ATXN7L1: variants seen among roughly 807,000 people sequenced by gnomAD.
The protein encoded by ATXN7L1 is ataxin-7-like protein 1.
ATXN7L1 carries 15 observed loss-of-function variants against 70.8 expected under a neutral mutation model. That is an observed-to-expected ratio of 0.21 (90% CI 0.14 to 0.33). The LOEUF (loss-of-function observed/expected upper bound fraction) is 0.33, where lower values mean the gene tolerates loss of function less well. Ranked by LOEUF, ATXN7L1 falls within the 10% of genes least tolerant of loss-of-function variation. ATXN7L1 has a pLI of 1.00. For missense variants in ATXN7L1, 975 were observed against 1,097.1 expected, an observed-to-expected ratio of 0.89 and a Z score of 1.57; for synonymous variants, 440 against 445.1, an observed-to-expected ratio of 0.99 and a Z score of 0.14.
intron 2 of ATXN7L1, among the ~76,000 whole-genome samples, chr7:105,798,905 C>T (rs1203288221): frequency 6.6e-6 from 1 of 152,208 alleles, no homozygotes; most frequent in Non-Finnish European, 1.5e-5. Flanking sequence ...AGCTAAAACG[C>T]TGTATTAAGG....
intron 2 of ATXN7L1, among the ~76,000 whole-genome samples, chr7:105,853,233 A>G (rs1815152804): frequency 6.6e-6 from 1 of 152,242 alleles, no homozygotes; most frequent in Non-Finnish European, 1.5e-5. Context: ...ATTTTAAGTT[A>G]CATATATTTT....
intron 2 of ATXN7L1, among the ~76,000 whole-genome samples, chr7:105,847,714 C>T (rs1378373926): frequency 2.6e-5 from 4 of 152,168 alleles, no homozygotes; most frequent in African/African-American, 2.4e-5. Context: ...TTTTTCTCTG[C>T]CCCAGTTTAC....
At chr7:105,627,841 G>GTT (rs36028028) in intron 7 of ATXN7L1, among the ~76,000 whole-genome samples, 1,368 of 86,390 alleles carry the variant, frequency 0.016, 101 homozygotes, top group Admixed American at 0.03. Flanking sequence ...CCTGTCTTTA[G>GTT]TTTTTTTTTT....
intron 11 of ATXN7L1, among the ~76,000 whole-genome samples, chr7:105,609,156 G>T (rs1427678830): frequency 2.0e-5 from 3 of 152,080 alleles, no homozygotes. Context: ...CAGACACCAT[G>T]GGCAAGGCCT....
intron 2 of ATXN7L1, among the ~76,000 whole-genome samples, chr7:105,825,341 T>C (rs1810716396): frequency 6.6e-6 from 1 of 152,122 alleles, no homozygotes; most frequent in African/African-American, 2.4e-5. Flanking sequence ...AGGGAAGCTG[T>C]TGTCACAGAC....
intron 4 of ATXN7L1, among the ~76,000 whole-genome samples, chr7:105,660,784 T>G (rs754751157): frequency 1.2e-4 from 19 of 152,084 alleles, no homozygotes; most frequent in Non-Finnish European, 2.6e-4. Context: ...GGTTTCACCA[T>G]GTTGGTCAGG....
At chr7:105,674,472 T>C (rs1804305830) in intron 3 of ATXN7L1, among the ~76,000 whole-genome samples, 4 of 152,150 alleles carry the variant, frequency 2.6e-5, no homozygotes, top group Admixed American at 2.6e-4. Flanking sequence ...TTACTATTAT[T>C]TTTTTTTCTT....
At chr7:105,780,139 C>G (rs1054093961) in intron 3 of ATXN7L1, among the ~76,000 whole-genome samples, 1 of 152,190 alleles carries the variant, frequency 6.6e-6, no homozygotes, top group African/African-American at 2.4e-5. Flanking sequence ...TTGTCTCTTC[C>G]TCAACCAGAG....
intron 2 of ATXN7L1, among the ~76,000 whole-genome samples, chr7:105,812,429 TCTAA>T (rs1212727437): frequency 6.6e-6 from 1 of 152,242 alleles, no homozygotes; most frequent in East Asian, 1.9e-4. Context: ...TCTTGAGAGA[TCTAA>T]CTCAGACTAG....
chr7:105,673,864 G>A (rs1396708168), intron 3 of ATXN7L1, among the ~76,000 whole-genome samples: 4 of 152,236 alleles, frequency 2.6e-5, no homozygotes, highest in Admixed American at 1.3e-4. Flanking sequence ...TGTCACCATC[G>A]TAGTTAGATA....
At chr7:105,819,395 A>C in intron 2 of ATXN7L1, 1 of 515,086 alleles carries the variant, frequency 1.9e-6, no homozygotes, top group South Asian at 2.0e-5. Context: ...TTAACAATAA[A>C]AAATTTAAAA....
chr7:105,773,554 G>A (rs117449419), intron 3 of ATXN7L1, among the ~76,000 whole-genome samples: 227 of 152,280 alleles, frequency 1.5e-3, no homozygotes, highest in Non-Finnish European at 2.8e-3. Flanking sequence ...CCTTCTGTCT[G>A]CTCTTTCACT....
rs948187534 is a variant in ATXN7L1, at chr7:105,873,059, C to T, written c.250+2753G>A. ...ATCCCAGCTACTTGGGAGGTTGAGG[C>T]AGGAGAAGGGTGTGAACCCGGGAGG... On this transcript the variant is annotated intron_variant, in intron 2 of 11. Transcript: ENST00000419735. Among the ~76,000 whole-genome samples, 4 of 152,150 alleles carry T rather than the reference C, an allele frequency of 2.6e-5. No homozygotes were observed. In the South Asian group the frequency reaches 8.3e-4, roughly 31 times the overall value.
chr7:105,657,749 C>T (rs1030710562), intron 4 of ATXN7L1, among the ~76,000 whole-genome samples: 5 of 138,472 alleles, frequency 3.6e-5, no homozygotes, highest in African/African-American at 1.1e-4. Context: ...AAAAAAGTGG[C>T]TACTGTGGCT....
In ATXN7L1 at chr7:105,636,912, AAAG is replaced by A. The variant is rs1797470218; in HGVS notation, c.1202+1438_1202+1440del. ...TGGAATGAAAATGTTCGATAGCTAC[AAAG>A]AAGTTTAAAAGTCGCTGTATATACA... On this transcript the variant is annotated intron_variant, in intron 7 of 11. Transcript: ENST00000419735. Among the ~76,000 whole-genome samples the A allele has an allele frequency of 2.0e-5, 3 of 152,228 alleles. No individual in the cohort carries two copies. The South Asian group carries it at 6.2e-4, about 31-fold the overall frequency.
intron 3 of ATXN7L1, among the ~76,000 whole-genome samples, chr7:105,681,616 A>G (rs1241467732): frequency 6.6e-6 from 1 of 152,222 alleles, no homozygotes; most frequent in African/African-American, 2.4e-5. Flanking sequence ...TCATAGCAGT[A>G]TTACTCACAA....
Position 105,778,525 on chromosome 7 carries a change from A to AC in ATXN7L1, c.355+10078_355+10079insG, listed in dbSNP as rs1554460013. 7.4e-3 allele frequency among the ~76,000 whole-genome samples: 800 copies of AC among 108,390 alleles called. 16 individuals are homozygous for AC. Among genetic ancestry groups the AC allele is most frequent in the African/African-American group, 0.021 (713 of 34,042 alleles). The allele number at this position is 108,390 out of a possible 152,430, so 71.1% of individuals were successfully genotyped here. On this transcript the variant is annotated intron_variant, in intron 3 of 11. Transcript: ENST00000419735. ...GACCCTATCTCAAAAAAAAAAAAAA[A>AC]AAAAAAAAAACAAAGACTAAATAAT...
At chr7:105,709,720 G>C (rs1793644132) in intron 3 of ATXN7L1, among the ~76,000 whole-genome samples, 2 of 152,126 alleles carry the variant, frequency 1.3e-5, no homozygotes, top group Non-Finnish European at 2.9e-5. Context: ...CTCATTCCCT[G>C]TGCCTCCTAA....
At chr7:105,664,465 G>GTATATGTATAATATATGTATACA (rs1275538299) in intron 4 of ATXN7L1, among the ~76,000 whole-genome samples, 15 of 146,210 alleles carry the variant, frequency 1.0e-4, no homozygotes, top group East Asian at 3.9e-4. Context: ...ATGTATGTGT[G>GTATATGTATAATATATGTATACA]TATATGTATA....
Sources: gnomAD v4.1 joint callset for allele counts (sites outside exome capture counted in the v4.1 genomes callset) on GRCh38, gnomAD v4.1.1 for gene constraint, MANE v1.5 for transcripts, NCBI Gene and HGNC (gene_info 2026-07-23, HGNC 2026-07-21) for gene names.